The following PHLDB2 variants were observed in gnomAD, a reference collection of about 807,000 sequenced individuals.
PHLDB2 encodes the protein pleckstrin homology like domain family B member 2, also known as pleckstrin homology-like domain family B member 2.
PHLDB2 carries 71 observed loss-of-function variants against 123.6 expected under a neutral mutation model. That is an observed-to-expected ratio of 0.57 (90% CI 0.47 to 0.70). The LOEUF (loss-of-function observed/expected upper bound fraction) is 0.70. Ranked by LOEUF, PHLDB2 falls within the 30% of genes least tolerant of loss-of-function variation. The pLI is 0.00. For synonymous variants in PHLDB2, 547 were observed against 541.6 expected, an observed-to-expected ratio of 1.01 and a Z score of -0.14; for missense variants, 1,446 against 1,519.5, an observed-to-expected ratio of 0.95 and a Z score of 0.80.
intron 1 of PHLDB2, among the ~76,000 whole-genome samples, chr3:111,805,017 G>C (rs2061516516): frequency 6.7e-6 from 1 of 149,468 alleles, no homozygotes. Context: ...TACACTGCTA[G>C]CAAGAATGTA....
chr3:111,778,999 T>C (rs780758842), intron 1 of PHLDB2, among the ~76,000 whole-genome samples: 20 of 152,064 alleles, frequency 1.3e-4, no homozygotes, highest in Non-Finnish European at 2.8e-4. Context: ...ACTTTCTCAA[T>C]AGTGGCTCTC....
At chr3:111,745,141 A>G (rs1436061729) in intron 1 of PHLDB2, among the ~76,000 whole-genome samples, 1 of 152,260 alleles carries the variant, frequency 6.6e-6, no homozygotes, top group African/African-American at 2.4e-5. Flanking sequence ...TTGCATCTGT[A>G]AAGCAATGAA....
At position 111,884,950 on chromosome 3, in the gene PHLDB2, A is replaced by G. The variant is rs144416541; in HGVS notation, c.873A>G (p.Leu291=). 2.7e-5 allele frequency: 44 copies of G among 1,614,066 alleles called. No homozygotes were observed. The African/African-American group carries it at 5.2e-4, about 19-fold the overall frequency. ...GAACAAAACTTGGGGAAAAGGATCT[A>G]CCTCATAGCGTAATAGACAATGACA... The part of the protein sequence containing the change: ...SKRTKLGEKD[L]PHSVIDNDNY... The change falls in exon 2 of 18, where the codon CTA becomes CTG. Residue 291 remains leucine, a synonymous_variant. Coordinates refer to ENST00000431670, the MANE Select transcript of PHLDB2 (RefSeq NM_001134438.2).
intron 1 of PHLDB2, among the ~76,000 whole-genome samples, chr3:111,870,264 G>A (rs1038296125): frequency 3.3e-5 from 5 of 152,138 alleles, no homozygotes; most frequent in African/African-American, 9.7e-5. Flanking sequence ...TTGCTTAGAG[G>A]GGGGTGTTTG....
chr3:111,741,739 T>C (rs1480096140), intron 1 of PHLDB2, among the ~76,000 whole-genome samples: 1 of 152,212 alleles, frequency 6.6e-6, no homozygotes, highest in African/African-American at 2.4e-5. Flanking sequence ...TAAAGACTTC[T>C]ATTGATAGCA....
In PHLDB2 at chr3:111,885,115, C is replaced by T. The variant is rs34300089; in HGVS notation, c.1038C>T (p.Thr346=). ...CTCGGAAGATGCTTCTGGCCTCCACCTCCTCCTGTGCCTCTGATGACTTTG... is the reference window on the plus strand; with the variant it reads ...CTCGGAAGATGCTTCTGGCCTCCACTTCCTCCTGTGCCTCTGATGACTTTG... ...RVARKMLLAS[T]SSCASDDFDQ... is the part of the protein sequence containing the mutation. The change falls in exon 2 of 18, where the codon ACC becomes ACT. Residue 346 remains threonine (T), a synonymous_variant. Transcript: ENST00000431670. 1.7e-3 allele frequency: 2,746 copies of T among 1,614,148 alleles called. 1 individual carries two copies. Among genetic ancestry groups the T allele is most frequent in the Admixed American group, 2.2e-3 (131 of 60,022 alleles).
rs554736704 is a variant in PHLDB2 at position 111,753,998 on chromosome 3, C to A, written c.-49+21295C>A. ...TATTTCTGAGGGCTCTGTTTTGTGC[C>A]ATTGATCTATATCTCTGTTTTGGTA... On this transcript the variant is annotated intron_variant, in intron 1 of 17. Coordinates refer to the PHLDB2 transcript ENST00000393923. 2.0e-4 allele frequency among the ~76,000 whole-genome samples: 31 copies of A among 152,184 alleles called. No homozygotes were observed. In the East Asian group the frequency reaches 6.0e-3, roughly 29 times the overall value.
intron 1 of PHLDB2, among the ~76,000 whole-genome samples, chr3:111,739,124 T>C (rs145659542): frequency 2.8e-3 from 432 of 152,324 alleles, no homozygotes; most frequent in Non-Finnish European, 5.0e-3. Context: ...AGAAAGTTCT[T>C]TACGGAAAAT....
chr3:111,894,325 G>C (rs910558902), intron 2 of PHLDB2, among the ~76,000 whole-genome samples: 1 of 151,796 alleles, frequency 6.6e-6, no homozygotes, highest in African/African-American at 2.4e-5. Context: ...GGACATTTGG[G>C]TTGGTTCCAA....
chr3:111,960,958 C>T (rs899047731), intron 12 of PHLDB2, among the ~76,000 whole-genome samples: 4 of 152,106 alleles, frequency 2.6e-5, no homozygotes, highest in South Asian at 2.1e-4. Flanking sequence ...CCTAAATCAG[C>T]GATCAGAGAG....
chr3:111,751,912 C>G (rs919817700), intron 1 of PHLDB2, among the ~76,000 whole-genome samples: 1 of 152,132 alleles, frequency 6.6e-6, no homozygotes, highest in African/African-American at 2.4e-5. Context: ...GAAAAGGAGA[C>G]TCTGAGCTGC....
intron 1 of PHLDB2, among the ~76,000 whole-genome samples, chr3:111,820,920 A>G (rs775385421): frequency 6.6e-6 from 1 of 152,270 alleles, no homozygotes; most frequent in Non-Finnish European, 1.5e-5. Context: ...GCATATCACT[A>G]GAACAAATTC....
chr3:111,964,496 C>T (rs2071619883), intron 13 of PHLDB2, among the ~76,000 whole-genome samples: 1 of 150,350 alleles, frequency 6.7e-6, no homozygotes, highest in African/African-American at 2.5e-5. Context: ...CCCACCACTA[C>T]ACCTGGCTAA....
chr3:111,886,668 TAC>T (rs2066182645), intron 2 of PHLDB2, among the ~76,000 whole-genome samples: 1 of 152,324 alleles, frequency 6.6e-6, no homozygotes, highest in South Asian at 2.1e-4. Flanking sequence ...TGTCTGTTCT[TAC>T]AGAGTTTTCA....
intron 1 of PHLDB2, among the ~76,000 whole-genome samples, chr3:111,805,286 C>G (rs1009987382): frequency 1.4e-4 from 21 of 152,062 alleles, no homozygotes; most frequent in South Asian, 2.1e-4. Flanking sequence ...TGGGGCCGGG[C>G]GCTGTGGCTC....
chr3:111,762,244 T>C (rs2060008635), intron 1 of PHLDB2, among the ~76,000 whole-genome samples: 1 of 152,214 alleles, frequency 6.6e-6, no homozygotes, highest in African/African-American at 2.4e-5. Context: ...CAGAGGACTG[T>C]TGTGAAGTTT....
chr3:111,745,272 G>C (rs1216198681), intron 1 of PHLDB2, among the ~76,000 whole-genome samples: 1 of 152,142 alleles, frequency 6.6e-6, no homozygotes, highest in Non-Finnish European at 1.5e-5. Flanking sequence ...AATGACATAG[G>C]TGGAAATGTG....
chr3:111,945,577 ATG>A (rs1232494589), intron 9 of PHLDB2: 2 of 536,298 alleles, frequency 3.7e-6, no homozygotes, highest in East Asian at 3.4e-5. Flanking sequence ...GTGTATGTGT[ATG>A]TGTGTGTTTG....
intron 1 of PHLDB2, among the ~76,000 whole-genome samples, chr3:111,822,884 C>T (rs1217660337): frequency 7.1e-6 from 1 of 140,630 alleles, no homozygotes; most frequent in Non-Finnish European, 1.5e-5. Flanking sequence ...CTGTTTAGCC[C>T]TCGGAAAAAA....
Sources: allele counts gnomAD v4.1 joint callset (sites outside exome capture counted in the v4.1 genomes callset), GRCh38; gene constraint gnomAD v4.1.1; transcripts MANE v1.5; gene names NCBI Gene and HGNC (gene_info 2026-07-23, HGNC 2026-07-21).